Variants in MAN1A1 observed in about 807,000 individuals in gnomAD.
MAN1A1 encodes the protein mannosidase alpha class 1A member 1.
MAN1A1 carries 29 observed loss-of-function variants against 70.8 expected under a neutral mutation model. That is an observed-to-expected ratio of 0.41 (90% CI 0.31 to 0.56). The LOEUF (loss-of-function observed/expected upper bound fraction) is 0.56, where lower values mean the gene tolerates loss of function less well. Ranked by LOEUF, MAN1A1 falls within the 20% of genes least tolerant of loss-of-function variation. MAN1A1 has a pLI of 0.29. For missense variants in MAN1A1, 747 were observed against 841.3 expected (o/e 0.89, Z 1.39); for synonymous variants, 349 against 330.1 (o/e 1.06, Z -0.62).
rs893254610 is a variant in MAN1A1, at chr6:119,180,279, T to C, written c.1835+33A>G. 4 of 1,454,950 alleles carry C rather than the reference T, an allele frequency of 2.7e-6. No homozygotes were observed. In the African/African-American group the frequency reaches 5.6e-5, roughly 20 times the overall value. 90.1% of individuals were successfully genotyped at this position (1,454,950 alleles called of 1,614,324 possible). ...TCTACAAAGATCTGTTCAGGTACCT[T>C]AGCCACATGGTTTTAGAATAATTTT... On this transcript the variant is annotated intron_variant, in intron 12 of 12. Transcript: ENST00000368468.
chr6:119,345,567 AAATT>A lies in MAN1A1; in HGVS notation c.603+2892_603+2895del, dbSNP rs528119420. ...AGCATTCTGTACAATGACCTATTTG[AAATT>A]AACAGAGTATCTCCCCTAAGACACG... is the stretch of plus-strand genomic sequence containing the variant. On this transcript the variant is annotated intron_variant, in intron 2 of 12. Coordinates refer to ENST00000368468, the MANE Select transcript of MAN1A1 (RefSeq NM_005907.4). Among the ~76,000 whole-genome samples, 42 of 152,338 alleles carry A rather than the reference AAATT, an allele frequency of 2.8e-4. No homozygotes were observed. In the South Asian group the frequency reaches 5.2e-3, roughly 19 times the overall value.
chr6:119,262,703 T>C (rs1170083243), intron 5 of MAN1A1, among the ~76,000 whole-genome samples: 2 of 152,114 alleles, frequency 1.3e-5, no homozygotes, highest in Non-Finnish European at 2.9e-5. Context: ...CTGTTCATAA[T>C]AGCAAAGATA....
intron 8 of MAN1A1, 76 bp from the exon 9 acceptor site, chr6:119,193,968 C>T: frequency 4.9e-6 from 4 of 821,174 alleles, no homozygotes; most frequent in Non-Finnish European, 8.3e-6. Context: ...ACATTAGCAA[C>T]TAGGATGCAA....
At chr6:119,205,535 G>T (rs574308294) in intron 6 of MAN1A1, among the ~76,000 whole-genome samples, 1 of 152,280 alleles carries the variant, frequency 6.6e-6, no homozygotes, top group South Asian at 2.1e-4. Context: ...AAAGGTGAAA[G>T]CCATGAGCTT....
intron 6 of MAN1A1, among the ~76,000 whole-genome samples, chr6:119,225,252 T>C (rs1774475393): frequency 6.6e-6 from 1 of 152,072 alleles, no homozygotes; most frequent in Admixed American, 6.6e-5. Context: ...AAAGTATAAC[T>C]GGAGCCAGGT....
chr6:119,225,442 G>A (rs1373501571), intron 6 of MAN1A1, among the ~76,000 whole-genome samples: 1 of 150,552 alleles, frequency 6.6e-6, no homozygotes, highest in East Asian at 2.0e-4. Flanking sequence ...AGAAGGAAGA[G>A]GAGGAGGAGA....
chr6:119,244,118 A>G (rs1366164105), intron 6 of MAN1A1, among the ~76,000 whole-genome samples: 1 of 152,042 alleles, frequency 6.6e-6, no homozygotes, highest in Non-Finnish European at 1.5e-5. Flanking sequence ...AAAAACCCAA[A>G]ATCTAAGTCT....
At chr6:119,288,906 T>C (rs1776454227) in intron 5 of MAN1A1, among the ~76,000 whole-genome samples, 1 of 151,804 alleles carries the variant, frequency 6.6e-6, no homozygotes, top group Non-Finnish European at 1.5e-5. Flanking sequence ...GTAGTGATAA[T>C]GGCAAAACAG....
At chr6:119,291,895 T>C (rs1562228663) in intron 4 of MAN1A1, among the ~76,000 whole-genome samples, 1 of 152,108 alleles carries the variant, frequency 6.6e-6, no homozygotes, top group Non-Finnish European at 1.5e-5. Context: ...TGTCTTTATA[T>C]AGACTCTTTT....
At chr6:119,319,702 G>A (rs1038892681) in intron 2 of MAN1A1, among the ~76,000 whole-genome samples, 2 of 152,102 alleles carry the variant, frequency 1.3e-5, no homozygotes, top group Non-Finnish European at 2.9e-5. Context: ...AGATAATATA[G>A]ATATATTTAC....
intron 6 of MAN1A1, among the ~76,000 whole-genome samples, chr6:119,244,144 G>A (rs1775095386): frequency 6.6e-6 from 1 of 151,904 alleles, no homozygotes; most frequent in South Asian, 2.1e-4. Flanking sequence ...ACCTAGACTT[G>A]AATTACCTTT....
Position 119,348,836 on chromosome 6 carries a change from C to A in MAN1A1, c.230G>T (p.Ser77Ile), listed in dbSNP as rs767260337. ...KLLSGVLFHS[S>I]PALQPAADHK... Reference sequence around the variant, plus strand: ...GTCGGCGGCCGGCTGCAAGGCGGGGCTGGAGTGGAACAGGACCCCGCTGAG... The same window carrying A: ...GTCGGCGGCCGGCTGCAAGGCGGGGATGGAGTGGAACAGGACCCCGCTGAG... The change falls in exon 2 of 13, where the codon AGC (serine) becomes ATC (isoleucine). Residue 77 changes from serine (S) to isoleucine (I), a missense_variant. Ser to Ile is a moderately radical substitution (Grantham distance 142). This residue lies in a region of MAN1A1 where 328 missense variants were observed against 293.1 expected (regional missense o/e 1.12). Transcript: ENST00000368468. The A allele has an allele frequency of 6.9e-5, 103 of 1,494,322 alleles. No individual in the cohort carries two copies. Among genetic ancestry groups the A allele is most frequent in the Non-Finnish European group, 9.1e-5 (102 of 1,121,188 alleles). 92.6% of individuals were successfully genotyped at this position (1,494,322 alleles called of 1,614,324 possible). A position where few individuals can be genotyped will look rare whatever the true frequency, so the allele number is the denominator to read the frequency against.
chr6:119,229,313 A>T (rs530540393), intron 6 of MAN1A1, among the ~76,000 whole-genome samples: 1 of 152,140 alleles, frequency 6.6e-6, no homozygotes, highest in Admixed American at 6.6e-5. Context: ...CAGTGTTATA[A>T]TAAAGCTCCA....
At chr6:119,291,074 C>T (rs1029932195) in intron 4 of MAN1A1, among the ~76,000 whole-genome samples, 1 of 152,018 alleles carries the variant, frequency 6.6e-6, no homozygotes, top group African/African-American at 2.4e-5. Flanking sequence ...CAAATCTCAT[C>T]TTGTAGCTCA....
At chr6:119,268,038 G>C (rs1165472944) in intron 5 of MAN1A1, among the ~76,000 whole-genome samples, 2 of 152,158 alleles carry the variant, frequency 1.3e-5, no homozygotes, top group Admixed American at 1.3e-4. Context: ...TATGTTATCA[G>C]GAGGCACTAT....
chr6:119,201,159 A>G (rs1773703156), intron 8 of MAN1A1, 95 bp downstream of exon 8: 2 of 902,670 alleles, frequency 2.2e-6, no homozygotes, highest in East Asian at 4.8e-5. Context: ...TTTTCTAAAC[A>G]TTTCTCAACA....
intron 6 of MAN1A1, among the ~76,000 whole-genome samples, chr6:119,247,617 AGT>A (rs1445440009): frequency 6.6e-6 from 1 of 152,164 alleles, no homozygotes; most frequent in Non-Finnish European, 1.5e-5. Context: ...AACACCAGAA[AGT>A]CTGTTCAGCC....
intron 5 of MAN1A1, among the ~76,000 whole-genome samples, chr6:119,278,896 G>A (rs1321232687): frequency 6.6e-6 from 1 of 151,990 alleles, no homozygotes; most frequent in Non-Finnish European, 1.5e-5. Context: ...AGCTTCCTGA[G>A]GCTTCATGAG....
At chr6:119,301,524 C>A (rs546451538) in intron 4 of MAN1A1, among the ~76,000 whole-genome samples, 1 of 152,116 alleles carries the variant, frequency 6.6e-6, no homozygotes, top group Non-Finnish European at 1.5e-5. Flanking sequence ...TCTTTCTTTA[C>A]GGGAAAATGA....
Sources: gnomAD v4.1 joint callset for allele counts (sites outside exome capture counted in the v4.1 genomes callset) on GRCh38, gnomAD v4.1.1 for gene constraint, gnomAD v4.1.1 regional missense constraint, MANE v1.5 for transcripts, NCBI Gene and HGNC (gene_info 2026-07-23, HGNC 2026-07-21) for gene names.